Variants in SRSF10 observed in about 807,000 individuals in gnomAD.
SRSF10 encodes serine/arginine-rich splicing factor 10.
Under a neutral mutation model 32.6 loss-of-function variants are expected in SRSF10, and 9 were observed. That is an observed-to-expected ratio of 0.28 (90% CI 0.17 to 0.48). SRSF10 has a LOEUF of 0.48. Among genes scored for constraint, SRSF10 ranks in the 20% least tolerant of loss-of-function variants. SRSF10 has a pLI of 0.99. For missense variants in SRSF10, 201 were observed against 331.8 expected, an observed-to-expected ratio of 0.61 and a Z score of 3.06; for synonymous variants, 105 against 112.4, an observed-to-expected ratio of 0.93 and a Z score of 0.42.
chr1:23,968,230 G>C lies in SRSF10; in HGVS notation c.*2912C>G, dbSNP rs1641553677. On this transcript the variant is annotated 3_prime_UTR_variant, in exon 6 of 6. Transcript: ENST00000492112. ...TGAAGCTGTTAGGTGTGTCGCTTTAGGAACAACATATAAGATTCTCAATAG... is the reference window on the plus strand; with the variant it reads ...TGAAGCTGTTAGGTGTGTCGCTTTACGAACAACATATAAGATTCTCAATAG... 6.6e-6 allele frequency among the ~76,000 whole-genome samples: 1 copy of C among 152,004 alleles called. No individual in the cohort carries two copies. The highest frequency in any genetic ancestry group is 1.5e-5 in the Non-Finnish European group (1 of 67,998).
Position 23,975,026 on chromosome 1 carries a change from C to T in SRSF10, c.222G>A (p.Lys74=). The change falls in exon 3 of 6, where the codon AAG becomes AAA. Residue 74 remains lysine (K), a synonymous_variant. Transcript: ENST00000492112. ...AEDALHNLDR[K]WICGRQIEIQ... is the part of the protein sequence containing the mutation. ...TTTCAATCTGCCGTCCACAAATCCA[C>T]TTTCTGTCCAAATTATGTAAAGCGT... is the stretch of plus-strand genomic sequence containing the variant. 6.2e-7 allele frequency: 1 copy of T among 1,614,000 alleles called. No homozygotes were observed. Among genetic ancestry groups the T allele is most frequent in the Non-Finnish European group, 8.5e-7 (1 of 1,179,864 alleles).
intron 1 of SRSF10, 65 bp downstream of exon 1, chr1:23,980,125 AC>A: frequency 1.4e-6 from 2 of 1,473,574 alleles, no homozygotes; most frequent in East Asian, 5.6e-5. Flanking sequence ...TGCCGCCACC[AC>A]CAGGGTCCTC....
intron 3 of SRSF10, among the ~76,000 whole-genome samples, chr1:23,972,493 T>C (rs1309029321): frequency 2.6e-5 from 4 of 151,820 alleles, no homozygotes; most frequent in African/African-American, 9.7e-5. Context: ...CAGGCTGGAA[T>C]GCAGTGGCGC....
In SRSF10 at chr1:23,967,730, T is replaced by C; in HGVS notation, c.*3412A>G. ...ATTCCAGCTGCAGTTTGGTCTTAAATAAAAGAAGGATGTTTGTCAGTTTGG... is the reference window on the plus strand; with the variant it reads ...ATTCCAGCTGCAGTTTGGTCTTAAACAAAAGAAGGATGTTTGTCAGTTTGG... On this transcript the variant is annotated 3_prime_UTR_variant, in exon 6 of 6. Coordinates refer to ENST00000492112, the MANE Select transcript of SRSF10 (RefSeq NM_054016.4). 1.2e-6 allele frequency: 2 copies of C among 1,611,826 alleles called. No homozygotes were observed. The highest frequency in any genetic ancestry group is 1.7e-6 in the Non-Finnish European group (2 of 1,178,150).
chr1:23,971,964 G>A lies in SRSF10; in HGVS notation c.323C>T (p.Ser108Leu). ...GTATCTGTCATAATCATCATAGCGT[G>A]AAGAACTGTACACATTCCTCCCTTC... is the stretch of plus-strand genomic sequence containing the variant. ...AKEGRNVYSS[S>L]RYDDYDRYRR... The change falls in exon 4 of 6, where the codon TCA (serine) becomes TTA (leucine). Residue 108 changes from serine (S) to leucine (L), a missense_variant. Coordinates refer to ENST00000492112, the MANE Select transcript of SRSF10 (RefSeq NM_054016.4). The A allele has an allele frequency of 4.4e-6, 7 of 1,582,838 alleles. No homozygotes were observed. Among genetic ancestry groups the A allele is most frequent in the Non-Finnish European group, 6.0e-6 (7 of 1,169,448 alleles).
chr1:23,973,512 G>A (rs1641897631), intron 3 of SRSF10, among the ~76,000 whole-genome samples: 1 of 151,940 alleles, frequency 6.6e-6, no homozygotes, highest in Non-Finnish European at 1.5e-5. Flanking sequence ...GTGGAGATGG[G>A]GTCTCACTTT....
At chr1:23,980,093 T>C in intron 1 of SRSF10, 98 bp downstream of exon 1, 1 of 1,326,600 alleles carries the variant, frequency 7.5e-7, no homozygotes, top group Non-Finnish European at 1.0e-6. Flanking sequence ...CCATCTTCAC[T>C]CCGTCCCCTC....
chr1:23,974,064 T>C (rs754435087), intron 3 of SRSF10, among the ~76,000 whole-genome samples: 4 of 151,322 alleles, frequency 2.6e-5, no homozygotes, highest in Non-Finnish European at 4.4e-5. Flanking sequence ...TGATCTCGGC[T>C]CACTGCAACC....
chr1:23,980,090 C>T, intron 1 of SRSF10, 101 bp downstream of exon 1: 1 of 1,304,808 alleles, frequency 7.7e-7, no homozygotes, highest in Non-Finnish European at 1.0e-6. Flanking sequence ...CCGCCATCTT[C>T]ACTCCGTCCC....
At chr1:23,978,956 C>T (rs1642242627) in intron 1 of SRSF10, 139 bp from the exon 2 acceptor site, 8 of 585,502 alleles carry the variant, frequency 1.4e-5, no homozygotes, top group Middle Eastern at 8.3e-4. Context: ...AGGACAACAG[C>T]AGACATATGT....
In SRSF10 at chr1:23,968,468, A is replaced by T. The variant is rs1030232512; in HGVS notation, c.*2674T>A. Among the ~76,000 whole-genome samples the T allele has an allele frequency of 1.2e-4, 18 of 152,086 alleles. No homozygotes were observed. The highest frequency in any genetic ancestry group is 6.6e-4 in the Admixed American group (10 of 15,266). On this transcript the variant is annotated 3_prime_UTR_variant, in exon 6 of 6. Transcript: ENST00000492112. Reference sequence around the variant, plus strand: ...CCTTACAGTCTTTTCTTTGTGCCTCAGTTTCCTTATCTGTGATATGGGGAA... The same window carrying T: ...CCTTACAGTCTTTTCTTTGTGCCTCTGTTTCCTTATCTGTGATATGGGGAA...
At position 23,967,964 on chromosome 1, in the gene SRSF10, A is replaced by C. The variant is rs2148494185; in HGVS notation, c.*3178T>G. 1.4e-6 allele frequency: 2 copies of C among 1,427,480 alleles called. No homozygotes were observed. Among genetic ancestry groups the C allele is most frequent in the East Asian group, 5.4e-5 (2 of 37,034 alleles). The allele number at this position is 1,427,480 out of a possible 1,614,324, so 88.4% of individuals were successfully genotyped here. A position where few individuals can be genotyped will look rare whatever the true frequency, so the allele number is the denominator to read the frequency against. On this transcript the variant is annotated 3_prime_UTR_variant, in exon 6 of 6. Transcript: ENST00000492112. ...TTCTTCTTGCTTACTTGGCTTCAAA[A>C]AAAAAAAAAAAATGCAGAGAGATCT...
Position 23,970,808 on chromosome 1 carries a change from T to C in SRSF10, c.*334A>G, listed in dbSNP as rs932044871. ...TCTAGGTTAACAGTTCTACCAAATA[T>C]GAATATGAAAGTTTATTTTTAATGA... On this transcript the variant is annotated 3_prime_UTR_variant, in exon 6 of 6. Transcript: ENST00000492112. 7.0e-5 allele frequency: 74 copies of C among 1,060,064 alleles called. No homozygotes were observed. Among genetic ancestry groups the C allele is most frequent in the Middle Eastern group, 4.5e-4 (1 of 2,218 alleles). The allele number at this position is 1,060,064 out of a possible 1,614,324, so 65.7% of individuals were successfully genotyped here.
intron 3 of SRSF10, among the ~76,000 whole-genome samples, chr1:23,973,101 G>A (rs920074258): frequency 2.0e-5 from 3 of 152,194 alleles, no homozygotes; most frequent in Non-Finnish European, 4.4e-5. Context: ...GATGCAGAAC[G>A]TGATTTAGCC....
rs766390734 is a variant in SRSF10 at position 23,968,395 on chromosome 1, A to AC, written c.*2746dup. ...AATTATAGTCTGTAAAACAAACAAA[A>AC]CCCCCCCAAAACTAAGGGACCAGGC... On this transcript the variant is annotated 3_prime_UTR_variant, in exon 6 of 6. Transcript: ENST00000492112. Among the ~76,000 whole-genome samples the AC allele has an allele frequency of 7.0e-3, 1,069 of 151,666 alleles. 6 individuals are homozygous for AC. The highest frequency in any genetic ancestry group is 0.037 in the Middle Eastern group (11 of 294).
At chr1:23,973,220 C>T (rs1641880930) in intron 3 of SRSF10, among the ~76,000 whole-genome samples, 1 of 152,172 alleles carries the variant, frequency 6.6e-6, no homozygotes, top group Non-Finnish European at 1.5e-5. Context: ...ACTAATATCC[C>T]CAACTATTTT....
chr1:23,979,192 G>A (rs908740328), intron 1 of SRSF10, among the ~76,000 whole-genome samples: 1 of 151,456 alleles, frequency 6.6e-6, no homozygotes, highest in African/African-American at 2.4e-5. Flanking sequence ...GTCTGAAAAA[G>A]TCACAAATAT....
intron 2 of SRSF10, among the ~76,000 whole-genome samples, chr1:23,978,500 T>G (rs1475744459): frequency 6.6e-6 from 1 of 152,236 alleles, no homozygotes; most frequent in African/African-American, 2.4e-5. Flanking sequence ...GATATGAGTT[T>G]CAGAAGCATG....
chr1:23,979,426 T>C (rs1570796756), intron 1 of SRSF10, among the ~76,000 whole-genome samples: 1 of 151,604 alleles, frequency 6.6e-6, no homozygotes, highest in South Asian at 2.1e-4. Flanking sequence ...TCATTATTTG[T>C]GAAATAAAAA....
Sources: gnomAD v4.1 joint callset for allele counts (sites outside exome capture counted in the v4.1 genomes callset) on GRCh38, gnomAD v4.1.1 for gene constraint, MANE v1.5 for transcripts, NCBI Gene and HGNC (gene_info 2026-07-23, HGNC 2026-07-21) for gene names.